Variants in TACC2 observed in about 807,000 individuals in gnomAD.
TACC2 encodes transforming acidic coiled-coil-containing protein 2.
TACC2 carries 137 observed loss-of-function variants against 227.3 expected under a neutral mutation model. The ratio of observed to expected loss-of-function variants is 0.60; its 90% CI spans 0.52 to 0.69. The LOEUF is 0.69. Ranked by LOEUF, TACC2 falls within the 30% of genes least tolerant of loss-of-function variation. The pLI is 0.00. For missense variants in TACC2, 3,470 were observed against 3,694.4 expected (o/e 0.94, Z 1.57); for synonymous variants, 1,523 against 1,487.5 (o/e 1.02, Z -0.55).
At chr10:122,100,760 A>T (rs2082047576) in intron 5 of TACC2, among the ~76,000 whole-genome samples, 1 of 152,138 alleles carries the variant, frequency 6.6e-6, no homozygotes, top group Non-Finnish European at 1.5e-5. Flanking sequence ...TTCCTTTGGT[A>T]TAAAAATGTG....
intron 1 of TACC2, among the ~76,000 whole-genome samples, chr10:122,000,644 C>T (rs1042996401): frequency 6.6e-6 from 1 of 152,110 alleles, no homozygotes; most frequent in Admixed American, 6.6e-5. Context: ...CAAGTATACA[C>T]CAAAGTAGAG....
At chr10:122,206,132 G>T (rs1173252066) in intron 8 of TACC2, among the ~76,000 whole-genome samples, 1 of 152,158 alleles carries the variant, frequency 6.6e-6, no homozygotes, top group Non-Finnish European at 1.5e-5. Flanking sequence ...CAGTGCGGGG[G>T]CTGGCAGCAA....
At chr10:122,076,836 C>A (rs1236279695) in intron 3 of TACC2, among the ~76,000 whole-genome samples, 1 of 151,824 alleles carries the variant, frequency 6.6e-6, no homozygotes, top group African/African-American at 2.4e-5. Flanking sequence ...TGATCTGGGC[C>A]GGGTGCGGTG....
intron 1 of TACC2, among the ~76,000 whole-genome samples, chr10:121,995,786 G>A (rs1019509646): frequency 1.2e-4 from 18 of 152,144 alleles, no homozygotes; most frequent in Admixed American, 9.2e-4. Context: ...ACAGAGTCTC[G>A]TTCTGTCGCC....
chr10:122,211,752 C>T (rs778853661), intron 9 of TACC2, 44 bp downstream of exon 9: 54 of 1,490,978 alleles, frequency 3.6e-5, no homozygotes, highest in Non-Finnish European at 4.6e-5. Context: ...GGCGGGGGTG[C>T]GCATTGGCTG....
intron 1 of TACC2, among the ~76,000 whole-genome samples, chr10:122,007,613 T>A (rs2135247167): frequency 6.6e-6 from 1 of 152,364 alleles, no homozygotes; most frequent in Admixed American, 6.5e-5. Context: ...TCGCCTGGTC[T>A]GTCTGTACAC....
Position 122,205,569 on chromosome 10 carries a change from T to A in TACC2, c.5972-4828T>A, listed in dbSNP as rs2140930857. 6.6e-6 allele frequency among the ~76,000 whole-genome samples: 1 copy of A among 152,336 alleles called. No homozygotes were observed. The highest frequency in any genetic ancestry group is 1.9e-4 in the East Asian group (1 of 5,180). The stretch of plus-strand genomic sequence containing the variant: ...GTGTTACCCACTGGAGGTTTAAGAA[T>A]GAGGATAGGCCCAGATAGAAGCAGA... On this transcript the variant is annotated intron_variant, in intron 8 of 22. Transcript: ENST00000369005. This position sits in a 1 kb window ranked among gnomAD's most constrained non-coding sequence, Gnocchi z 4.5.
chr10:122,195,610 T>G (rs1382129840), intron 8 of TACC2, among the ~76,000 whole-genome samples: 1 of 152,174 alleles, frequency 6.6e-6, no homozygotes. Flanking sequence ...CATGGTGGTT[T>G]GTTTATTCCT....
At chr10:122,118,522 T>C (rs1233986822) in intron 5 of TACC2, among the ~76,000 whole-genome samples, 1 of 152,180 alleles carries the variant, frequency 6.6e-6, no homozygotes, top group Non-Finnish European at 1.5e-5. Flanking sequence ...CGTCAGTTCT[T>C]GTTGAATCAG....
At chr10:122,242,188 C>T (rs1007913541) in intron 19 of TACC2, among the ~76,000 whole-genome samples, 187 bp downstream of exon 19, 1 of 152,166 alleles carries the variant, frequency 6.6e-6, no homozygotes, top group Admixed American at 6.5e-5. Context: ...GGTAACACCC[C>T]CCTGAACTGT....
In TACC2 at chr10:122,219,030, A is replaced by AAAAG. The variant is rs1555153691; in HGVS notation, c.7546+2205_7546+2206insGAAA. Among the ~76,000 whole-genome samples the AAAAG allele has an allele frequency of 4.6e-4, 66 of 143,876 alleles. 4 individuals carry two copies. The highest frequency in any genetic ancestry group is 4.3e-4 in the African/African-American group (17 of 39,192). 94.4% of individuals were successfully genotyped at this position (143,876 alleles called of 152,430 possible). On this transcript the variant is annotated intron_variant, in intron 11 of 22. Coordinates refer to ENST00000369005, the MANE Select transcript of TACC2 (RefSeq NM_206862.4). Reference sequence around the variant, plus strand: ...GTGAGACTCGTCTCAAAAAAAAAAAAAAAAAGAAAAGTGACCATCTTGCTC... The same window carrying AAAAG: ...GTGAGACTCGTCTCAAAAAAAAAAAAAAAGAAAAAGAAAAGTGACCATCTTGCTC...
rs772127891 is a variant in TACC2, at chr10:122,248,750, G to A, written c.8500G>A (p.Asp2834Asn). The stretch of plus-strand genomic sequence containing the variant: ...GAACTCCGTGGAGAAGTCTCTGGCC[G>A]ACCTCTTCAGAAGATATGAGAAGAT... The part of the protein sequence containing the change: ...DLNSVEKSLA[D>N]LFRRYEKMKE... Residue 2834 changes from aspartate (D) to asparagine (N), a missense_variant, in exon 20 of 23, where the codon GAC (aspartate) becomes AAC (asparagine). This residue lies in a region of TACC2 where 65 missense variants were observed against 119.3 expected (regional missense o/e 0.54). Transcript: ENST00000369005. The A allele has an allele frequency of 1.4e-5, 23 of 1,614,040 alleles. No individual in the cohort carries two copies. Among genetic ancestry groups the A allele is most frequent in the Non-Finnish European group, 1.7e-5 (20 of 1,180,050 alleles).
chr10:122,011,805 T>C (rs530506073), intron 1 of TACC2, among the ~76,000 whole-genome samples: 1 of 152,324 alleles, frequency 6.6e-6, no homozygotes, highest in South Asian at 2.1e-4. Context: ...ATTCCTTTAA[T>C]TGAACAAATA....
chr10:122,171,872 G>A (rs749505865), intron 7 of TACC2, among the ~76,000 whole-genome samples: 90 of 152,330 alleles, frequency 5.9e-4, no homozygotes, highest in Non-Finnish European at 1.1e-3. Flanking sequence ...AGTCTTATTA[G>A]CCTTGTGTCT....
Position 122,214,602 on chromosome 10 carries a change from C to T in TACC2, c.7284-789C>T, listed in dbSNP as rs80044804. Reference sequence around the variant, plus strand: ...CCATTCTGACTGTGGAAGTGACCCCCAGACTGCTCGGTGGACTTAATGGAA... The same window carrying T: ...CCATTCTGACTGTGGAAGTGACCCCTAGACTGCTCGGTGGACTTAATGGAA... On this transcript the variant is annotated intron_variant, in intron 9 of 22. Coordinates refer to ENST00000369005, the MANE Select transcript of TACC2 (RefSeq NM_206862.4). 4.2e-3 allele frequency among the ~76,000 whole-genome samples: 645 copies of T among 152,334 alleles called. 5 individuals carry two copies. The highest frequency in any genetic ancestry group is 0.015 in the African/African-American group (610 of 41,584).
chr10:122,167,083 C>T (rs2139961777), intron 7 of TACC2, among the ~76,000 whole-genome samples: 2 of 152,344 alleles, frequency 1.3e-5, no homozygotes, highest in Admixed American at 1.3e-4. Context: ...CCCTCAGCTT[C>T]CACCAAATCC....
intron 8 of TACC2, among the ~76,000 whole-genome samples, chr10:122,197,152 T>G (rs557005409): frequency 6.6e-6 from 1 of 151,656 alleles, no homozygotes; most frequent in Non-Finnish European, 1.5e-5. Context: ...TCCCAGCTAC[T>G]CAGGAGGCTG....
chr10:122,096,479 C>CT (rs1244442142), intron 5 of TACC2, among the ~76,000 whole-genome samples: 1 of 152,080 alleles, frequency 6.6e-6, no homozygotes, highest in Non-Finnish European at 1.5e-5. Flanking sequence ...GGTGGATCAT[C>CT]TGAGGTCAGG....
In TACC2 at chr10:122,086,749, G is replaced by C. The variant is rs766896829; in HGVS notation, c.4249G>C (p.Glu1417Gln). The C allele has an allele frequency of 1.2e-6, 2 of 1,613,918 alleles. No homozygotes were observed. Among genetic ancestry groups the C allele is most frequent in the South Asian group, 2.2e-5 (2 of 91,082 alleles). Residue 1417 changes from glutamate (E) to glutamine (Q), a missense_variant, in exon 4 of 23, where the codon GAG (glutamate) becomes CAG (glutamine). Glu to Gln is a conservative substitution (Grantham distance 29). Coordinates refer to ENST00000369005, the MANE Select transcript of TACC2 (RefSeq NM_206862.4). ...CAGGGAGCACATCGCCAAGATCTTC[G>C]AGAAGCCTGTGCTCGGAGCCCTGGC... Reference protein sequence around the residue: ...DFREHIAKIFEKPVLGALATP... With the variant: ...DFREHIAKIFQKPVLGALATP...
Sources: gnomAD v4.1 joint callset for allele counts (sites outside exome capture counted in the v4.1 genomes callset) on GRCh38, gnomAD v4.1.1 for gene constraint, gnomAD v4.1.1 regional missense constraint, Gnocchi (gnomAD v3.1) non-coding constraint, MANE v1.5 for transcripts, NCBI Gene and HGNC (gene_info 2026-07-23, HGNC 2026-07-21) for gene names.